Variants in WWC2 observed in about 807,000 individuals in gnomAD.
WWC2 encodes protein WWC2.
A neutral mutation model predicts 138.5 loss-of-function variants in WWC2; 101 were observed. That is an observed-to-expected ratio of 0.73 (90% CI 0.62 to 0.86). The LOEUF (loss-of-function observed/expected upper bound fraction) is 0.86, where lower values mean the gene tolerates loss of function less well. WWC2 is among the 40% of genes least tolerant of loss of function. WWC2 has a pLI of 0.00. For synonymous variants in WWC2, 558 were observed against 538.4 expected (o/e 1.04, Z -0.50); for missense variants, 1,420 against 1,419.4 (o/e 1.00, Z -0.01).
intron 1 of WWC2, among the ~76,000 whole-genome samples, chr4:183,103,979 A>G (rs1743271813): frequency 6.6e-6 from 1 of 150,486 alleles, no homozygotes; most frequent in Non-Finnish European, 1.5e-5. Flanking sequence ...TTTTTTTTTG[A>G]GACAGAGTCT....
chr4:183,146,568 C>T (rs577867829), intron 1 of WWC2, among the ~76,000 whole-genome samples: 2 of 152,248 alleles, frequency 1.3e-5, no homozygotes, highest in South Asian at 4.1e-4. Context: ...TTGGAACTTC[C>T]TTTTCTGGGA....
rs1735010957 is a variant in WWC2 at position 183,192,249 on chromosome 4, G to A, written c.132-1350G>A. Among the ~76,000 whole-genome samples the A allele has an allele frequency of 2.0e-5, 3 of 152,132 alleles. No homozygotes were observed. The South Asian group carries it at 6.2e-4, about 32-fold the overall frequency. On this transcript the variant is annotated intron_variant, in intron 1 of 22. Transcript: ENST00000403733. ...TCCTTTTTATCCTGAGTTTATTTTA[G>A]GAGCTAGTTAAATTGCAGGGAGAGT...
chr4:183,218,125 ACT>A (rs1735808409), intron 4 of WWC2, among the ~76,000 whole-genome samples: 3 of 152,164 alleles, frequency 2.0e-5, no homozygotes, highest in Admixed American at 1.3e-4. Flanking sequence ...TAAAAGAAAA[ACT>A]GTCAACCTAG....
chr4:183,247,203 C>T (rs943672130), intron 6 of WWC2, among the ~76,000 whole-genome samples: 1 of 152,102 alleles, frequency 6.6e-6, no homozygotes, highest in African/African-American at 2.4e-5. Flanking sequence ...CACACACATA[C>T]ACACTCCAAA....
chr4:183,195,135 T>A (rs1210910654), intron 2 of WWC2, among the ~76,000 whole-genome samples: 2 of 152,244 alleles, frequency 1.3e-5, no homozygotes. Flanking sequence ...TGAAATGAAC[T>A]AATTTTGATA....
At position 183,247,576 on chromosome 4, in the gene WWC2, T is replaced by TATGCTATATAC. The variant is rs1364387560; in HGVS notation, c.733-1137_733-1136insTGCTATATACA. Among the ~76,000 whole-genome samples, 429 of 140,262 alleles carry TATGCTATATAC rather than the reference T, an allele frequency of 3.1e-3. 7 individuals are homozygous for TATGCTATATAC. The highest frequency in any genetic ancestry group is 0.011 in the African/African-American group (396 of 37,234). 92.0% of individuals were successfully genotyped at this position (140,262 alleles called of 152,430 possible). A position where few individuals can be genotyped will look rare whatever the true frequency, so the allele number is the denominator to read the frequency against. Reference sequence around the variant, plus strand: ...CTGTATATACTATATATGCTCTATATACTATATACTATATATATGCTATAT... The same window carrying TATGCTATATAC: ...CTGTATATACTATATATGCTCTATATATGCTATATACACTATATACTATATATATGCTATAT... On this transcript the variant is annotated intron_variant, in intron 6 of 22. Coordinates refer to ENST00000403733, the MANE Select transcript of WWC2 (RefSeq NM_024949.6).
chr4:183,144,086 T>C lies in WWC2; in HGVS notation c.131+44464T>C, dbSNP rs116792304. Among the ~76,000 whole-genome samples the C allele has an allele frequency of 6.8e-3, 1,037 of 152,360 alleles. 8 individuals carry two copies. The highest frequency in any genetic ancestry group is 0.024 in the African/African-American group (992 of 41,588). On this transcript the variant is annotated intron_variant, in intron 1 of 22. Transcript: ENST00000403733. ...ACTCTTCTGAGTATCTTCAGGTATA[T>C]GTATTTCAGAAGCCTGTTTAAATGG...
intron 2 of WWC2, among the ~76,000 whole-genome samples, chr4:183,197,092 G>A (rs1735166271): frequency 6.6e-6 from 1 of 152,052 alleles, no homozygotes; most frequent in Non-Finnish European, 1.5e-5. Context: ...GCTTAACTCA[G>A]CAATCAAAAG....
chr4:183,256,594 A>G (rs1268406498), intron 9 of WWC2, among the ~76,000 whole-genome samples: 1 of 152,156 alleles, frequency 6.6e-6, no homozygotes, highest in African/African-American at 2.4e-5. Flanking sequence ...GTGTCAAAGC[A>G]GGGCTGGCTG....
intron 4 of WWC2, among the ~76,000 whole-genome samples, chr4:183,222,830 G>T (rs770626985): frequency 1.3e-5 from 2 of 152,054 alleles, no homozygotes; most frequent in Non-Finnish European, 2.9e-5. Flanking sequence ...CGCATGTGGT[G>T]GTGCACATAC....
intron 1 of WWC2, among the ~76,000 whole-genome samples, chr4:183,134,932 A>T (rs1733062092): frequency 2.8e-5 from 4 of 144,280 alleles, no homozygotes; most frequent in South Asian, 2.2e-4. Flanking sequence ...TATGATCTTT[A>T]TTTTTTTTTT....
At chr4:183,228,234 A>G (rs1736129543) in intron 4 of WWC2, among the ~76,000 whole-genome samples, 2 of 152,120 alleles carry the variant, frequency 1.3e-5, no homozygotes, top group Non-Finnish European at 2.9e-5. Context: ...GCTTTACCGA[A>G]GAAAAAGGAC....
At position 183,284,358 on chromosome 4, in the gene WWC2, T is replaced by C. The variant is rs377158212; in HGVS notation, c.3016T>C (p.Ser1006Pro). 8.1e-6 allele frequency: 13 copies of C among 1,613,420 alleles called. No individual in the cohort carries two copies. The African/African-American group carries it at 1.5e-4, about 18-fold the overall frequency. Reference sequence around the variant, plus strand: ...TGTGATAGTGCGCTCACAGACCTTTTCTCCAGGAGAGCGGAACCAGTACAT... The same window carrying C: ...TGTGATAGTGCGCTCACAGACCTTTCCTCCAGGAGAGCGGAACCAGTACAT... ...SSVIVRSQTFSPGERNQYICR... is the reference protein window; with the variant it reads ...SSVIVRSQTFPPGERNQYICR... The change falls in exon 19 of 23, where the codon TCT becomes CCT. Residue 1006 changes from serine (S) to proline (P), a missense_variant. Coordinates refer to ENST00000403733, the MANE Select transcript of WWC2 (RefSeq NM_024949.6).
Position 183,313,496 on chromosome 4 carries a change from A to T in WWC2, c.3512+1028A>T, listed in dbSNP as rs145541529. Among the ~76,000 whole-genome samples, 817 of 152,006 alleles carry T rather than the reference A, an allele frequency of 5.4e-3. 3 individuals are homozygous for T. The highest frequency in any genetic ancestry group is 0.019 in the African/African-American group (781 of 41,446). ...GCTGGGGAGCAGGGGTGTGGGGAGG[A>T]TGCTGACCTCTGCCATGGCACACCA... is the stretch of plus-strand genomic sequence containing the variant. On this transcript the variant is annotated intron_variant, in intron 22 of 22. Coordinates refer to ENST00000403733, the MANE Select transcript of WWC2 (RefSeq NM_024949.6).
chr4:183,240,533 C>T (rs1736583728), intron 5 of WWC2: 1 of 276,854 alleles, frequency 3.6e-6, no homozygotes. Flanking sequence ...CCTTTATCTC[C>T]TGGACCCTTG....
chr4:183,297,690 G>A (rs181877214), intron 21 of WWC2, among the ~76,000 whole-genome samples: 29 of 152,264 alleles, frequency 1.9e-4, no homozygotes, highest in African/African-American at 6.0e-4. Context: ...GATTACAGGC[G>A]TGAGCCACCG....
chr4:183,207,882 C>A, intron 2 of WWC2, 71 bp from the exon 3 acceptor site: 2 of 1,370,560 alleles, frequency 1.5e-6, no homozygotes, highest in Non-Finnish European at 2.0e-6. Flanking sequence ...AGCTAGCCTA[C>A]TCCCTAAAGC....
At chr4:183,211,828 T>A (rs78601381) in intron 4 of WWC2, among the ~76,000 whole-genome samples, 1 of 137,586 alleles carries the variant, frequency 7.3e-6, no homozygotes, top group African/African-American at 3.0e-5. Context: ...ATCTTTTGGA[T>A]TTTTTTTTTT....
At chr4:183,290,202 A>G (rs1282756545) in intron 21 of WWC2, among the ~76,000 whole-genome samples, 2 of 152,184 alleles carry the variant, frequency 1.3e-5, no homozygotes, top group East Asian at 1.9e-4. Flanking sequence ...CTAAAAAAAG[A>G]TGAAATCACT....
Sources: gnomAD v4.1 joint callset for allele counts (sites outside exome capture counted in the v4.1 genomes callset) on GRCh38, gnomAD v4.1.1 for gene constraint, MANE v1.5 for transcripts, NCBI Gene and HGNC (gene_info 2026-07-23, HGNC 2026-07-21) for gene names.